SPIRE2: variants seen among roughly 807,000 people sequenced by gnomAD.
The protein encoded by SPIRE2 is spire type actin nucleation factor 2, also known as protein spire homolog 2.
In SPIRE2, 76 loss-of-function variants were observed where a neutral mutation model predicts 80.7. The observed-to-expected ratio is 0.94, with a 90% CI of 0.78 to 1.14. The LOEUF is 1.14. Among genes scored for constraint, SPIRE2 ranks in the 50% most tolerant of loss-of-function variants. SPIRE2 has a pLI of 0.00. For missense variants in SPIRE2, 1,196 were observed against 1,015.3 expected, an observed-to-expected ratio of 1.18 and a Z score of -2.42; for synonymous variants, 535 against 432.6, an observed-to-expected ratio of 1.24 and a Z score of -2.94.
chr16:89,834,411 T>A (rs2041421726), intron 1 of SPIRE2, among the ~76,000 whole-genome samples: 1 of 136,896 alleles, frequency 7.3e-6, no homozygotes, highest in African/African-American at 2.6e-5. Flanking sequence ...TCTGTGAACC[T>A]GCCCGCACTC....
chr16:89,850,349 G>T lies in SPIRE2; in HGVS notation c.334G>T (p.Gly112Trp). The T allele has an allele frequency of 1.2e-6, 2 of 1,600,610 alleles. No individual in the cohort carries two copies. The change falls in exon 3 of 15, where the codon GGG becomes TGG. Residue 112 changes from glycine to tryptophan, a missense_variant. By Grantham distance (184) the Gly-to-Trp change is radical. Coordinates refer to ENST00000378247, the MANE Select transcript of SPIRE2 (RefSeq NM_032451.2). ...GFAIYRALDW[G>W]LDESEERELS... ...CGCCATCTACCGCGCGCTGGACTGG[G>T]GGCTGGACGAGAGCGAGGAGCGCGA...
At chr16:89,836,468 A>G (rs1029076484) in intron 1 of SPIRE2, 5 of 304,120 alleles carry the variant, frequency 1.6e-5, no homozygotes, top group Non-Finnish European at 3.4e-5. Context: ...CCTCCCTTCC[A>G]TCTCATTTTA....
At chr16:89,842,204 C>A (rs558407286) in intron 1 of SPIRE2, among the ~76,000 whole-genome samples, 3 of 92,596 alleles carry the variant, frequency 3.2e-5, no homozygotes, top group Non-Finnish European at 5.9e-5. Flanking sequence ...TTCATGAACA[C>A]GTAATTTTTT....
chr16:89,868,745 C>T (rs1597226597), intron 13 of SPIRE2, among the ~76,000 whole-genome samples: 1 of 152,054 alleles, frequency 6.6e-6, no homozygotes, highest in African/African-American at 2.4e-5. Context: ...ATCCTAGCTA[C>T]TCAGGAGGCT....
At position 89,854,498 on chromosome 16, in the gene SPIRE2, G is replaced by A. The variant is rs1171189854; in HGVS notation, c.738G>A (p.Trp246Ter). 1 of 1,612,494 alleles carries A rather than the reference G, an allele frequency of 6.2e-7. No individual in the cohort carries two copies. The change falls in exon 5 of 15, where the codon TGG becomes TGA. Residue 246 changes from tryptophan to a stop codon, truncating the protein, a stop_gained. Transcript: ENST00000378247. LOFTEE classifies it high-confidence loss of function. ...CCCCTGGGGCCCAGGCCCGACTGTG[G>A]GTTCAGCTCATGCGGGAGCTCCGCC... is the stretch of plus-strand genomic sequence containing the variant. ...SLGHTDWARLWVQLMRELRRG... is the reference protein window; with the variant it reads ...SLGHTDWARL
intron 3 of SPIRE2, among the ~76,000 whole-genome samples, chr16:89,851,945 G>A (rs1268012806): frequency 6.6e-6 from 1 of 151,802 alleles, no homozygotes; most frequent in East Asian, 1.9e-4. Flanking sequence ...AGGTGGTTTT[G>A]ACGCCGGGTG....
chr16:89,868,131 C>T, intron 12 of SPIRE2, 58 bp from the exon 13 acceptor site: 2 of 1,605,858 alleles, frequency 1.2e-6, no homozygotes, highest in East Asian at 4.5e-5. Flanking sequence ...GCGACTGTTT[C>T]TCAGCTGTTT....
intron 4 of SPIRE2, 50 bp from the exon 5 acceptor site, chr16:89,854,437 C>G (rs144574872): frequency 1.2e-6 from 2 of 1,610,074 alleles, no homozygotes; most frequent in Admixed American, 3.3e-5. Context: ...CCTGGGGGGC[C>G]GTGGAGCTTC....
At chr16:89,868,489 G>A (rs1325288764) in intron 13 of SPIRE2, among the ~76,000 whole-genome samples, 1 of 152,090 alleles carries the variant, frequency 6.6e-6, no homozygotes, top group Non-Finnish European at 1.5e-5. Context: ...TAACTTTTTG[G>A]GTGTTTTAGG....
rs2041765451 is a variant in SPIRE2, at chr16:89,863,808, C to T, written c.1725C>T (p.Cys575=). Residue 575 remains cysteine, a synonymous_variant, in exon 12 of 15, where the codon TGC becomes TGT. Coordinates refer to ENST00000378247, the MANE Select transcript of SPIRE2 (RefSeq NM_032451.2). This position sits in a 1 kb window ranked among gnomAD's most constrained non-coding sequence, Gnocchi z 4.3. ...SLKKGKICCC[C]RAKFPLFSWP... ...TCTCCTGACAGATTTGCTGCTGCTG[C>T]CGGGCCAAGTTCCCGCTGTTCTCGT... is the stretch of plus-strand genomic sequence containing the variant. The T allele has an allele frequency of 6.2e-7, 1 of 1,613,992 alleles. No homozygotes were observed. The highest frequency in any genetic ancestry group is 8.5e-7 in the Non-Finnish European group (1 of 1,179,926).
In SPIRE2 at chr16:89,870,191, C is replaced by T. The variant is rs746762234; in HGVS notation, c.2064C>T (p.Asp688=). Residue 688 remains aspartate, a synonymous_variant, in exon 15 of 15, where the codon GAC becomes GAT. Transcript: ENST00000378247. The stretch of plus-strand genomic sequence containing the variant: ...TGCGTTCCAGCCGCAAGAGCGTGGA[C>T]GTCCTCAACACTACGCCACGACGCA... The part of the protein sequence containing the change: ...DVVRSSRKSV[D]VLNTTPRRSR... The T allele has an allele frequency of 1.7e-5, 27 of 1,609,954 alleles. No individual in the cohort carries two copies. The highest frequency in any genetic ancestry group is 6.7e-5 in the East Asian group (3 of 44,762).
At chr16:89,854,140 T>C (rs781718613) in intron 3 of SPIRE2, 146 bp from the exon 4 acceptor site, 37 of 747,646 alleles carry the variant, frequency 4.9e-5, no homozygotes, top group Non-Finnish European at 7.4e-5. Context: ...TCGAGTCCTA[T>C]GGCCTGGGCC....
intron 10 of SPIRE2, 34 bp downstream of exon 10, chr16:89,860,829 C>T: frequency 5.9e-6 from 8 of 1,359,136 alleles, no homozygotes; most frequent in Non-Finnish European, 7.8e-6. Context: ...CCAGGGCGGC[C>T]CAGGGGGCGT....
chr16:89,828,833 C>T lies in SPIRE2; in HGVS notation c.244+39C>T, dbSNP rs2041351772. ...CGGGGCAGCCGGCGGGGACCGCGGTCTGGGGCGTCCGTCCCGCCCCCTGGG... is the reference window on the plus strand; with the variant it reads ...CGGGGCAGCCGGCGGGGACCGCGGTTTGGGGCGTCCGTCCCGCCCCCTGGG... On this transcript the variant is annotated intron_variant, in intron 1 of 14. Coordinates refer to ENST00000378247, the MANE Select transcript of SPIRE2 (RefSeq NM_032451.2). The surrounding 1 kb of genome is among the most constrained non-coding windows in gnomAD (Gnocchi z 5.9). The T allele has an allele frequency of 3.4e-6, 4 of 1,170,324 alleles. No homozygotes were observed. Among genetic ancestry groups the T allele is most frequent in the African/African-American group, 1.6e-5 (1 of 61,948 alleles). 72.5% of individuals were successfully genotyped at this position (1,170,324 alleles called of 1,614,324 possible).
chr16:89,832,687 C>T (rs968774223), intron 1 of SPIRE2, among the ~76,000 whole-genome samples: 2 of 152,134 alleles, frequency 1.3e-5, no homozygotes, highest in African/African-American at 4.8e-5. Context: ...AGTCAAGACA[C>T]GGTGTGGAGA....
In SPIRE2 at chr16:89,854,304, G is replaced by T. The variant is rs781098954; in HGVS notation, c.664G>T (p.Glu222Ter). The T allele has an allele frequency of 6.2e-7, 1 of 1,612,242 alleles. No homozygotes were observed. The highest frequency in any genetic ancestry group is 1.7e-5 in the Admixed American group (1 of 59,962). ...EAKEMLQKLR[E>*]DEPHLETPRA... ...GTCACAGATGCTGCAGAAGCTTCGG[G>T]AGGACGAGCCGCATCTGGAGACGCC... The change falls in exon 4 of 15, where the codon GAG becomes TAG. Residue 222 changes from glutamate (E) to a stop codon, truncating the protein, a stop_gained. Coordinates refer to ENST00000378247, the MANE Select transcript of SPIRE2 (RefSeq NM_032451.2). LOFTEE classifies it high-confidence loss of function.
chr16:89,847,143 T>C (rs2143799932), intron 2 of SPIRE2: 1 of 152,334 alleles, frequency 6.6e-6, no homozygotes, highest in Admixed American at 6.5e-5. Flanking sequence ...AACCGAAGTC[T>C]ATGTCACCAC....
Position 89,828,661 on chromosome 16 carries a change from G to A in SPIRE2, c.111G>A (p.Glu37=). ...AGGCCTACGAGCAGCCGCTCAACGA[G>A]GAGCAGGCGTGGGCCGTGTGCTTCC... The part of the protein sequence containing the change: ...VLKAYEQPLN[E]EQAWAVCFQG... Residue 37 remains glutamate (E), a synonymous_variant, in exon 1 of 15, where the codon GAG becomes GAA. Transcript: ENST00000378247. This position sits in a 1 kb window ranked among gnomAD's most constrained non-coding sequence, Gnocchi z 5.9. 2 of 1,375,642 alleles carry A rather than the reference G, an allele frequency of 1.5e-6. No individual in the cohort carries two copies. The highest frequency in any genetic ancestry group is 1.6e-5 in the South Asian group (1 of 63,860). 85.2% of individuals were successfully genotyped at this position (1,375,642 alleles called of 1,614,324 possible).
At chr16:89,847,523 T>C (rs940743020) in intron 2 of SPIRE2, among the ~76,000 whole-genome samples, 6 of 152,214 alleles carry the variant, frequency 3.9e-5, no homozygotes, top group African/African-American at 1.4e-4. Flanking sequence ...GAGCTTGGTA[T>C]GCAGGGACGC....
Sources: gnomAD v4.1 joint callset for allele counts (sites outside exome capture counted in the v4.1 genomes callset) on GRCh38, gnomAD v4.1.1 for gene constraint, Gnocchi (gnomAD v3.1) non-coding constraint, MANE v1.5 for transcripts, NCBI Gene and HGNC (gene_info 2026-07-23, HGNC 2026-07-21) for gene names.